LRRC4C: variants seen among roughly 807,000 people sequenced by gnomAD.
The protein encoded by LRRC4C is leucine rich repeat containing 4C, also known as leucine-rich repeat-containing protein 4C.
Under a neutral mutation model 33.6 loss-of-function variants are expected in LRRC4C, and 5 were observed. That is an observed-to-expected ratio of 0.15 (90% confidence interval 0.08 to 0.31). The LOEUF is 0.31. LRRC4C is among the 10% of genes least tolerant of loss of function. The probability of loss-of-function intolerance (pLI) is 1.00; values close to 1 mark genes in which losing one functional copy is unlikely to be tolerated. For missense variants in LRRC4C, 560 were observed against 796.7 expected (o/e 0.70, Z 3.58); for synonymous variants, 329 against 302.0 (o/e 1.09, Z -0.93).
chr11:41,028,231 C>T (rs533488786), intron 1 of LRRC4C, among the ~76,000 whole-genome samples: 5 of 151,436 alleles, frequency 3.3e-5, no homozygotes, highest in Admixed American at 1.3e-4. Context: ...TGGTAACTAA[C>T]TCCAGCATAT....
chr11:40,644,202 A>G (rs1335525909), intron 3 of LRRC4C, among the ~76,000 whole-genome samples: 1 of 152,220 alleles, frequency 6.6e-6, no homozygotes, highest in Non-Finnish European at 1.5e-5. Context: ...CTAGGCAAAG[A>G]GTTCTTAGAC....
chr11:41,091,314 G>A (rs1457193734), intron 1 of LRRC4C, among the ~76,000 whole-genome samples: 1 of 151,914 alleles, frequency 6.6e-6, no homozygotes, highest in Non-Finnish European at 1.5e-5. Context: ...CGCTTTCTCT[G>A]GAGAATGACC....
At chr11:40,329,524 C>T (rs968997091) in intron 3 of LRRC4C, among the ~76,000 whole-genome samples, 16 of 152,016 alleles carry the variant, frequency 1.1e-4, no homozygotes, top group African/African-American at 3.9e-4. Context: ...GATTCAAACT[C>T]CTTTGTGTAC....
At chr11:40,326,486 G>A (rs1225616018) in intron 3 of LRRC4C, among the ~76,000 whole-genome samples, 6 of 151,540 alleles carry the variant, frequency 4.0e-5, no homozygotes, top group East Asian at 3.9e-4. Context: ...GCTTGAACCC[G>A]GGAGGCAGAA....
intron 3 of LRRC4C, among the ~76,000 whole-genome samples, chr11:40,400,500 C>A (rs1369990918): frequency 1.3e-5 from 2 of 151,950 alleles, no homozygotes; most frequent in Admixed American, 6.6e-5. Context: ...GCTTATCTGA[C>A]CCTGCCATGC....
intron 2 of LRRC4C, among the ~76,000 whole-genome samples, chr11:40,817,165 G>C (rs1025979624): frequency 6.6e-6 from 1 of 152,118 alleles, no homozygotes; most frequent in African/African-American, 2.4e-5. Context: ...TTTCCTGCCA[G>C]TGTGTCTGAA....
rs140756507 is a variant in LRRC4C at position 40,637,295 on chromosome 11, C to T, written c.-270+10847G>A. 4.4e-3 allele frequency among the ~76,000 whole-genome samples: 670 copies of T among 152,288 alleles called. 5 individuals carry two copies. The highest frequency in any genetic ancestry group is 0.016 in the African/African-American group (647 of 41,558). ...GAAATAATTTGCCTACAGGCTTCAA[C>T]GTCCACCAATTCTATGGCAGGCAAT... is the stretch of plus-strand genomic sequence containing the variant. On this transcript the variant is annotated intron_variant, in intron 3 of 6. Coordinates refer to ENST00000528697, the MANE Select transcript of LRRC4C (RefSeq NM_001258419.2).
intron 6 of LRRC4C, among the ~76,000 whole-genome samples, chr11:40,122,095 T>G (rs904157364): frequency 6.6e-6 from 1 of 152,138 alleles, no homozygotes; most frequent in Non-Finnish European, 1.5e-5. Flanking sequence ...TCATGGAAAA[T>G]TCAACAGACA....
At chr11:40,512,268 G>A (rs549119339) in intron 3 of LRRC4C, among the ~76,000 whole-genome samples, 1 of 152,044 alleles carries the variant, frequency 6.6e-6, no homozygotes, top group African/African-American at 2.4e-5. Context: ...CCAGCTACTC[G>A]GCAGCTGAGG....
At chr11:41,030,067 A>G (rs953048644) in intron 1 of LRRC4C, among the ~76,000 whole-genome samples, 5 of 151,856 alleles carry the variant, frequency 3.3e-5, no homozygotes, top group African/African-American at 1.2e-4. Flanking sequence ...CTAACTTGGT[A>G]TGTACATTTT....
At chr11:41,370,905 C>G (rs916660397) in intron 1 of LRRC4C, among the ~76,000 whole-genome samples, 1 of 152,152 alleles carries the variant, frequency 6.6e-6, no homozygotes, top group African/African-American at 2.4e-5. Flanking sequence ...TCTCCTTTCT[C>G]TTCCTCAGTT....
intron 1 of LRRC4C, among the ~76,000 whole-genome samples, chr11:41,117,277 GCT>G (rs1565398876): frequency 1.3e-5 from 2 of 152,086 alleles, no homozygotes; most frequent in African/African-American, 4.8e-5. Flanking sequence ...TAAATAAATT[GCT>G]CTGTTTGTAG....
At chr11:41,212,003 AC>A (rs1372592215) in intron 1 of LRRC4C, among the ~76,000 whole-genome samples, 4 of 152,220 alleles carry the variant, frequency 2.6e-5, no homozygotes, top group Non-Finnish European at 5.9e-5. Context: ...TTATTTCCTG[AC>A]TTTTTAATGA....
At chr11:40,822,667 C>A (rs943340984) in intron 2 of LRRC4C, among the ~76,000 whole-genome samples, 2 of 151,656 alleles carry the variant, frequency 1.3e-5, no homozygotes, top group African/African-American at 4.8e-5. Flanking sequence ...TGTGCAGAAG[C>A]TTTTTAATTT....
intron 3 of LRRC4C, among the ~76,000 whole-genome samples, chr11:40,514,414 G>T (rs1955475936): frequency 6.6e-6 from 1 of 151,974 alleles, no homozygotes; most frequent in African/African-American, 2.4e-5. Flanking sequence ...CAAGTTATTT[G>T]CTGTGTTGAA....
At chr11:41,389,428 G>A (rs760624185) in intron 1 of LRRC4C, among the ~76,000 whole-genome samples, 1 of 151,572 alleles carries the variant, frequency 6.6e-6, no homozygotes, top group African/African-American at 2.4e-5. Context: ...AACACACAGC[G>A]ACTAAGTTTC....
chr11:40,970,831 T>C (rs144433584), intron 1 of LRRC4C, among the ~76,000 whole-genome samples: 8 of 152,338 alleles, frequency 5.3e-5, no homozygotes, highest in African/African-American at 1.9e-4. Context: ...ACTTTTGCTA[T>C]GCTTTAGCAA....
In LRRC4C at chr11:40,229,611, G is replaced by A. The variant is rs545696363; in HGVS notation, c.-96+11908C>T. 4.3e-4 allele frequency among the ~76,000 whole-genome samples: 65 copies of A among 152,150 alleles called. 1 individual carries two copies. The South Asian group carries it at 8.9e-3, about 21-fold the overall frequency. ...TTAATAGCAGCCCACATATTTGTCA[G>A]GATATCAAACTATTTTACAAAACAC... On this transcript the variant is annotated intron_variant, in intron 5 of 6. Coordinates refer to ENST00000528697, the MANE Select transcript of LRRC4C (RefSeq NM_001258419.2).
At chr11:41,457,465 G>T (rs1956205482) in intron 1 of LRRC4C, among the ~76,000 whole-genome samples, 2 of 152,036 alleles carry the variant, frequency 1.3e-5, no homozygotes, top group South Asian at 4.2e-4. Flanking sequence ...ATTGGCACTT[G>T]GAGTATCAGG....
Sources: allele counts gnomAD v4.1 joint callset (sites outside exome capture counted in the v4.1 genomes callset), GRCh38; gene constraint gnomAD v4.1.1; transcripts MANE v1.5; gene names NCBI Gene and HGNC (gene_info 2026-07-23, HGNC 2026-07-21).